Variants in SNTG2 observed in about 807,000 individuals in gnomAD.
The protein encoded by SNTG2 is gamma-2-syntrophin.
SNTG2 carries 74 observed loss-of-function variants against 70.9 expected under a neutral mutation model. The ratio of observed to expected loss-of-function variants is 1.04; its 90% CI spans 0.86 to 1.27. The LOEUF is 1.27. Ranked by LOEUF, SNTG2 falls within the 50% of genes most tolerant of loss-of-function variation. SNTG2 has a pLI of 0.00. For synonymous variants in SNTG2, 278 were observed against 273.8 expected (o/e 1.02, Z -0.15); for missense variants, 717 against 690.7 (o/e 1.04, Z -0.43).
chr2:1,065,747 A>G (rs1245507338), intron 1 of SNTG2, among the ~76,000 whole-genome samples: 4 of 152,208 alleles, frequency 2.6e-5, no homozygotes, highest in Non-Finnish European at 5.9e-5. Flanking sequence ...TCGTTTAGCT[A>G]AATGGCCATA....
intron 6 of SNTG2, among the ~76,000 whole-genome samples, chr2:1,145,703 T>C (rs1669057599): frequency 1.3e-5 from 2 of 152,204 alleles, no homozygotes; most frequent in African/African-American, 4.8e-5. Context: ...GTGCATTCCA[T>C]GAGGCCAGCT....
intron 13 of SNTG2, 46 bp downstream of exon 13, chr2:1,259,487 C>G (rs1678303384): frequency 6.7e-7 from 1 of 1,485,234 alleles, no homozygotes; most frequent in East Asian, 2.3e-5. Context: ...AATAAGATGC[C>G]CTTTGGGCTT....
At chr2:1,327,260 A>G (rs1302876708) in intron 16 of SNTG2, among the ~76,000 whole-genome samples, 1 of 152,118 alleles carries the variant, frequency 6.6e-6, no homozygotes, top group East Asian at 1.9e-4. Context: ...ACAATGTTTC[A>G]ATTTGGAACA....
At chr2:1,075,977 G>A (rs572198722) in intron 1 of SNTG2, among the ~76,000 whole-genome samples, 4 of 152,278 alleles carry the variant, frequency 2.6e-5, no homozygotes, top group East Asian at 3.9e-4. Flanking sequence ...GGCACAGAGC[G>A]GTGAGGCAGA....
chr2:993,912 A>G lies in SNTG2; in HGVS notation c.72+42844A>G, dbSNP rs142869339. On this transcript the variant is annotated intron_variant, in intron 1 of 16. Coordinates refer to ENST00000308624, the MANE Select transcript of SNTG2 (RefSeq NM_018968.4). Reference sequence around the variant, plus strand: ...TGTTCTGGATACATGTAGATATAGGATTTACAAATATTTACTCTCATTTTG... The same window carrying G: ...TGTTCTGGATACATGTAGATATAGGGTTTACAAATATTTACTCTCATTTTG... 9.6e-3 allele frequency among the ~76,000 whole-genome samples: 1,467 copies of G among 152,178 alleles called. 25 individuals are homozygous for G. Among genetic ancestry groups the G allele is most frequent in the African/African-American group, 0.033 (1,382 of 41,536 alleles).
At chr2:997,387 C>T (rs1029276997) in intron 1 of SNTG2, among the ~76,000 whole-genome samples, 1 of 152,146 alleles carries the variant, frequency 6.6e-6, no homozygotes, top group African/African-American at 2.4e-5. Flanking sequence ...AGTGACTTGA[C>T]ATGCAGAAAA....
chr2:996,673 G>GTTTTT lies in SNTG2; in HGVS notation c.72+45632_72+45636dup. Among the ~76,000 whole-genome samples the GTTTTT allele has an allele frequency of 3.0e-3, 107 of 35,096 alleles. 23 individuals are homozygous for GTTTTT. The highest frequency in any genetic ancestry group is 0.021 in the Middle Eastern group (1 of 48). The allele number at this position is 35,096 out of a possible 152,430, so 23.0% of individuals were successfully genotyped here. ...ATATTGCTTGTATTTGAGTTACCCA[G>GTTTTT]TTTTTTTTTTTTTTTTTTTTTTTTT... On this transcript the variant is annotated intron_variant, in intron 1 of 16. Coordinates refer to ENST00000308624, the MANE Select transcript of SNTG2 (RefSeq NM_018968.4).
intron 14 of SNTG2, among the ~76,000 whole-genome samples, chr2:1,294,261 A>G (rs1042854901): frequency 1.3e-5 from 2 of 152,032 alleles, no homozygotes; most frequent in Admixed American, 6.6e-5. Flanking sequence ...CTCAGATCCC[A>G]TTAGGGACAG....
chr2:1,000,794 AC>A (rs1442212204), intron 1 of SNTG2, among the ~76,000 whole-genome samples: 1 of 151,902 alleles, frequency 6.6e-6, no homozygotes, highest in African/African-American at 2.4e-5. Flanking sequence ...GATAAAAAAA[AC>A]CTAGCAAGAA....
intron 4 of SNTG2, among the ~76,000 whole-genome samples, chr2:1,135,071 T>C (rs536992396): frequency 2.3e-3 from 352 of 152,278 alleles, no homozygotes; most frequent in African/African-American, 8.1e-3. Flanking sequence ...TGCTGACCCA[T>C]GGGCTCAGCA....
At chr2:1,170,435 G>A (rs772477299) in intron 7 of SNTG2, among the ~76,000 whole-genome samples, 12 of 152,154 alleles carry the variant, frequency 7.9e-5, no homozygotes, top group Non-Finnish European at 1.5e-4. Flanking sequence ...CTGTCTCTTT[G>A]TGGGTAATCA....
At chr2:1,162,052 C>G (rs868210439) in intron 6 of SNTG2, among the ~76,000 whole-genome samples, 6 of 112,666 alleles carry the variant, frequency 5.3e-5, no homozygotes, top group South Asian at 3.0e-4. Flanking sequence ...CCAGCCTGGG[C>G]GACAGTGAGA....
chr2:1,087,135 A>G (rs1664733094), intron 2 of SNTG2, among the ~76,000 whole-genome samples: 1 of 152,202 alleles, frequency 6.6e-6, no homozygotes, highest in South Asian at 2.1e-4. Flanking sequence ...GCTGGCAGAT[A>G]GCAGCCCTCA....
intron 9 of SNTG2, among the ~76,000 whole-genome samples, chr2:1,222,372 T>C (rs988762114): frequency 6.6e-6 from 1 of 152,262 alleles, no homozygotes; most frequent in Non-Finnish European, 1.5e-5. Flanking sequence ...GCTTTAAACA[T>C]TAATTTGATT....
rs546038295 is a variant in SNTG2, at chr2:979,967, AAAAC to A, written c.72+28905_72+28908del. Among the ~76,000 whole-genome samples, 109 of 152,324 alleles carry A rather than the reference AAAAC, an allele frequency of 7.2e-4. 2 individuals are homozygous for A. The South Asian group carries it at 0.018, about 26-fold the overall frequency. Reference sequence around the variant, plus strand: ...AAGTATATAAATAATTAAGTATATAAAAACAAACACAAAAAGTAAGTAAATTTTT... The same window carrying A: ...AAGTATATAAATAATTAAGTATATAAAAACACAAAAAGTAAGTAAATTTTT... On this transcript the variant is annotated intron_variant, in intron 1 of 16. Coordinates refer to ENST00000308624, the MANE Select transcript of SNTG2 (RefSeq NM_018968.4).
intron 16 of SNTG2, among the ~76,000 whole-genome samples, chr2:1,358,113 C>G (rs1279989853): frequency 6.6e-6 from 1 of 151,988 alleles, no homozygotes; most frequent in Non-Finnish European, 1.5e-5. Flanking sequence ...GTCTCCTTTC[C>G]TCTACTTACA....
intron 1 of SNTG2, among the ~76,000 whole-genome samples, chr2:1,030,568 A>T (rs1008241329): frequency 3.9e-5 from 6 of 152,156 alleles, no homozygotes; most frequent in African/African-American, 1.4e-4. Flanking sequence ...TACTTTGGCC[A>T]TGTCAGTCAT....
intron 16 of SNTG2, among the ~76,000 whole-genome samples, chr2:1,361,704 C>T (rs1661159572): frequency 6.9e-6 from 1 of 145,916 alleles, no homozygotes; most frequent in Non-Finnish European, 1.5e-5. Context: ...TTCAGTAGAA[C>T]TTCTGTGAAG....
chr2:1,165,659 C>T, intron 7 of SNTG2, 24 bp downstream of exon 7: 1 of 1,584,674 alleles, frequency 6.3e-7, no homozygotes, highest in Non-Finnish European at 8.6e-7. Context: ...GGAGAAATGC[C>T]AGGGTGCTGG....
Sources: gnomAD v4.1 joint callset for allele counts (sites outside exome capture counted in the v4.1 genomes callset) on GRCh38, gnomAD v4.1.1 for gene constraint, MANE v1.5 for transcripts, NCBI Gene and HGNC (gene_info 2026-07-23, HGNC 2026-07-21) for gene names.